Variants in TERF1 observed in about 807,000 individuals in gnomAD.
The protein encoded by TERF1 is telomeric repeat-binding factor 1.
TERF1 carries 20 observed loss-of-function variants against 55.1 expected under a neutral mutation model. That is an observed-to-expected ratio of 0.36 (90% CI 0.26 to 0.53). The LOEUF is 0.53. TERF1 is among the 20% of genes least tolerant of loss of function. The pLI is 0.91. For synonymous variants in TERF1, 168 were observed against 181.2 expected (o/e 0.93, Z 0.59); for missense variants, 439 against 535.7 (o/e 0.82, Z 1.78).
rs562567411 is a variant in TERF1, at chr8:73,030,398, G to T, written c.947+3G>T. ...GAGGGTACAGTATCCTTATTGAGGT[G>T]AAGTAAATTGACGTTTTTCTTCTTT... On this transcript the variant is annotated splice_donor_region_variant and intron_variant, in intron 7 of 9. Coordinates refer to ENST00000276603, the MANE Select transcript of TERF1 (RefSeq NM_017489.3). The T allele has an allele frequency of 1.9e-5, 28 of 1,485,492 alleles. No homozygotes were observed. In the South Asian group the frequency reaches 3.5e-4, roughly 19 times the overall value. 92.0% of individuals were successfully genotyped at this position (1,485,492 alleles called of 1,614,324 possible).
intron 8 of TERF1, among the ~76,000 whole-genome samples, chr8:73,037,766 TATA>T (rs1366937861): frequency 9.4e-5 from 5 of 52,948 alleles, no homozygotes; most frequent in Admixed American, 8.1e-4. Context: ...TATTATATAG[TATA>T]ATATATATAT....
At chr8:73,020,075 G>A (rs1286119375) in intron 2 of TERF1, among the ~76,000 whole-genome samples, 3 of 152,142 alleles carry the variant, frequency 2.0e-5, no homozygotes, top group African/African-American at 4.8e-5. Flanking sequence ...TATATACTGA[G>A]TGATCAATAA....
chr8:73,010,947 C>T (rs1410558188), intron 1 of TERF1: 1 of 152,154 alleles, frequency 6.6e-6, no homozygotes, highest in Non-Finnish European at 1.5e-5. Flanking sequence ...TGAAAGGAAT[C>T]TTTTTTCCAA....
chr8:73,022,886 G>A (rs1186996014), intron 4 of TERF1, among the ~76,000 whole-genome samples: 1 of 152,076 alleles, frequency 6.6e-6, no homozygotes. Context: ...GAGCTATAAC[G>A]CTGCCACTGC....
In TERF1 at chr8:73,045,982, A is replaced by C. The variant is rs774558906; in HGVS notation, c.1165A>C (p.Lys389Gln). The change falls in exon 10 of 10, where the codon AAG becomes CAG. Residue 389 changes from lysine (K) to glutamine (Q), a missense_variant. Transcript: ENST00000276603. ...KRQAWLWEED[K>Q]NLRSGVRKYG... Reference sequence around the variant, plus strand: ...AAAGGCATGGCTTTGGGAAGAAGACAAGAATTTGAGATCTGGCGTGAGGAA... The same window carrying C: ...AAAGGCATGGCTTTGGGAAGAAGACCAGAATTTGAGATCTGGCGTGAGGAA... The C allele has an allele frequency of 8.2e-6, 13 of 1,582,098 alleles. No individual in the cohort carries two copies. The South Asian group carries it at 1.5e-4, about 19-fold the overall frequency.
chr8:73,009,303 G>GTCGGGA, intron 1 of TERF1, 98 bp downstream of exon 1: 3 of 1,238,260 alleles, frequency 2.4e-6, no homozygotes, highest in Non-Finnish European at 3.3e-6. Flanking sequence ...GCCGAGGGAG[G>GTCGGGA]GGCTGCTGCG....
In TERF1 at chr8:73,047,147, A is replaced by T. The variant is rs1332459473; in HGVS notation, c.*1010A>T. The T allele has an allele frequency of 6.6e-6, 1 of 152,156 alleles. No homozygotes were observed. Among genetic ancestry groups the T allele is most frequent in the South Asian group, 2.1e-4 (1 of 4,824 alleles). The allele number at this position is 152,156 out of a possible 1,614,324, so 9.4% of individuals were successfully genotyped here. A position where few individuals can be genotyped will look rare whatever the true frequency, so the allele number is the denominator to read the frequency against. On this transcript the variant is annotated 3_prime_UTR_variant, in exon 10 of 10. Transcript: ENST00000276603. ...ACATCACACAGTATACTCAGCTAAC[A>T]AACCTGCCCATGTGTTTCCTGAATC...
In TERF1 at chr8:73,026,398, G is replaced by A. The variant is rs368506944; in HGVS notation, c.775-542G>A. On this transcript the variant is annotated intron_variant, in intron 5 of 9. Transcript: ENST00000276603. ...TGCCTGTAGTCCCAGCTACCTAGGA[G>A]GCTGATGTGGGAAATCACCTGAGCC... 4.1e-4 allele frequency among the ~76,000 whole-genome samples: 62 copies of A among 151,610 alleles called. 1 individual carries two copies. The highest frequency in any genetic ancestry group is 1.5e-3 in the African/African-American group (62 of 41,282).
chr8:73,024,144 G>A (rs1456977438), intron 4 of TERF1, among the ~76,000 whole-genome samples: 1 of 152,172 alleles, frequency 6.6e-6, no homozygotes, highest in South Asian at 2.1e-4. Context: ...AGAAGATAAT[G>A]TAGAAAAATG....
At position 73,017,865 on chromosome 8, in the gene TERF1, A is replaced by T. The variant is rs56088541; in HGVS notation, c.416-2819A>T. 6.9e-3 allele frequency among the ~76,000 whole-genome samples: 1,050 copies of T among 152,066 alleles called. 8 individuals are homozygous for T. The highest frequency in any genetic ancestry group is 0.023 in the African/African-American group (965 of 41,466). ...CTACAGGCGTGCGCCACCATGCCTG[A>T]CTAATTTTTCTATTATTAGTAGAGA... On this transcript the variant is annotated intron_variant, in intron 2 of 9. Coordinates refer to ENST00000276603, the MANE Select transcript of TERF1 (RefSeq NM_017489.3).
intron 5 of TERF1, 110 bp from the exon 6 acceptor site, chr8:73,026,830 T>C (rs757488188): frequency 3.7e-6 from 3 of 801,488 alleles, no homozygotes; most frequent in Non-Finnish European, 6.1e-6. Flanking sequence ...TGTGAACAGA[T>C]ACATTAGCTA....
In TERF1 at chr8:73,046,122, A is replaced by G; in HGVS notation, c.1305A>G (p.Ser435=). 1.9e-6 allele frequency: 3 copies of G among 1,589,654 alleles called. No homozygotes were observed. Among genetic ancestry groups the G allele is most frequent in the Non-Finnish European group, 1.7e-6 (2 of 1,170,960 alleles). Residue 435 remains serine (S), a synonymous_variant, in exon 10 of 10, where the codon TCA becomes TCG. Transcript: ENST00000276603. ...RTMKKLKLIS[S]DSED is the part of the protein sequence containing the mutation. ...TGAAGAAACTAAAACTGATTTCCTC[A>G]GACAGCGAAGACTGATTGTGTTTGT...
At chr8:73,027,215 G>A (rs1809049446) in intron 6 of TERF1, among the ~76,000 whole-genome samples, 163 bp downstream of exon 6, 1 of 152,120 alleles carries the variant, frequency 6.6e-6, no homozygotes, top group Non-Finnish European at 1.5e-5. Flanking sequence ...TTCATGACTT[G>A]TGCAAATTAT....
chr8:73,030,443 G>A (rs780617179), intron 7 of TERF1, 48 bp downstream of exon 7: 3 of 1,273,974 alleles, frequency 2.4e-6, no homozygotes, highest in Non-Finnish European at 2.1e-6. Context: ...ATCTTTGATT[G>A]AAGCAATTCA....
At chr8:73,042,449 T>A (rs1809871475) in intron 9 of TERF1, among the ~76,000 whole-genome samples, 1 of 151,992 alleles carries the variant, frequency 6.6e-6, no homozygotes. Context: ...AATTTTATTT[T>A]GTATTGAGGT....
chr8:73,023,885 A>T (rs1808873285), intron 4 of TERF1, among the ~76,000 whole-genome samples: 1 of 152,212 alleles, frequency 6.6e-6, no homozygotes, highest in East Asian at 1.9e-4. Context: ...TCTTTGGGAG[A>T]TCATTTTAGC....
chr8:73,025,949 C>A (rs1259431624), intron 5 of TERF1, among the ~76,000 whole-genome samples: 2 of 151,214 alleles, frequency 1.3e-5, no homozygotes, highest in Admixed American at 6.6e-5. Flanking sequence ...AATCCCAGCA[C>A]TTTGGGAGGC....
chr8:73,037,072 A>G (rs1809549265), intron 8 of TERF1, among the ~76,000 whole-genome samples: 1 of 136,634 alleles, frequency 7.3e-6, no homozygotes, highest in Admixed American at 8.2e-5. Flanking sequence ...TATATATAAT[A>G]ATTATACTAC....
chr8:73,028,570 C>CCTT (rs1809126296), intron 6 of TERF1, among the ~76,000 whole-genome samples: 1 of 94,032 alleles, frequency 1.1e-5, no homozygotes, highest in Non-Finnish European at 2.3e-5. Flanking sequence ...TACGTAGACC[C>CCTT]ATTTTTTTTT....
Sources: allele counts gnomAD v4.1 joint callset (sites outside exome capture counted in the v4.1 genomes callset), GRCh38; gene constraint gnomAD v4.1.1; transcripts MANE v1.5; gene names NCBI Gene and HGNC (gene_info 2026-07-23, HGNC 2026-07-21).